The following MAD1L1 variants were observed in gnomAD, a reference collection of about 807,000 sequenced individuals.
MAD1L1 encodes mitotic arrest deficient 1 like 1.
MAD1L1 carries 95 observed loss-of-function variants against 96.9 expected under a neutral mutation model. The observed-to-expected ratio is 0.98, with a 90% confidence interval of 0.83 to 1.16. The LOEUF (loss-of-function observed/expected upper bound fraction) is 1.16, where lower values mean the gene tolerates loss of function less well. Among genes scored for constraint, MAD1L1 ranks in the 50% most tolerant of loss-of-function variants. The pLI is 0.00. For synonymous variants in MAD1L1, 473 were observed against 396.6 expected, an observed-to-expected ratio of 1.19 and a Z score of -2.29; for missense variants, 1,007 against 954.4, an observed-to-expected ratio of 1.06 and a Z score of -0.73.
At chr7:2,111,142 CAG>C (rs1388757295) in intron 11 of MAD1L1, among the ~76,000 whole-genome samples, 1 of 152,244 alleles carries the variant, frequency 6.6e-6, no homozygotes, top group Non-Finnish European at 1.5e-5. Flanking sequence ...AAAGAAGAAA[CAG>C]GGAGAGAGGA....
intron 12 of MAD1L1, among the ~76,000 whole-genome samples, chr7:2,063,789 T>C (rs1784763772): frequency 6.6e-6 from 1 of 152,008 alleles, no homozygotes; most frequent in South Asian, 2.1e-4. Flanking sequence ...CAGAACACAC[T>C]CCTTCATGAT....
At chr7:2,151,212 T>G (rs1218557188) in intron 10 of MAD1L1, among the ~76,000 whole-genome samples, 1 of 152,232 alleles carries the variant, frequency 6.6e-6, no homozygotes, top group African/African-American at 2.4e-5. Context: ...AAGGGGCTTG[T>G]AAATTTTCAC....
In MAD1L1 at chr7:2,181,015, G is replaced by A. The variant is rs145098775; in HGVS notation, c.987-31777C>T. Among the ~76,000 whole-genome samples, 26 of 152,278 alleles carry A rather than the reference G, an allele frequency of 1.7e-4. No homozygotes were observed. The East Asian group carries it at 4.6e-3, about 27-fold the overall frequency. ...ATTCCCCTTACCGGAGAATCCTGAC[G>A]GACCTATCTTCAGGTTTGCTGATTC... On this transcript the variant is annotated intron_variant, in intron 10 of 18. Transcript: ENST00000265854.
At chr7:2,071,281 G>A (rs1785113508) in intron 11 of MAD1L1, among the ~76,000 whole-genome samples, 1 of 152,212 alleles carries the variant, frequency 6.6e-6, no homozygotes, top group African/African-American at 2.4e-5. Flanking sequence ...ACGTCAGAAG[G>A]GACTTGGTGG....
chr7:1,978,362 A>G (rs950056568), intron 15 of MAD1L1, among the ~76,000 whole-genome samples: 3 of 152,140 alleles, frequency 2.0e-5, no homozygotes, highest in African/African-American at 7.2e-5. Context: ...TGTGTGTGGG[A>G]GGCATATTTT....
chr7:1,845,747 G>A (rs1228733173), intron 18 of MAD1L1: 4 of 152,346 alleles, frequency 2.6e-5, no homozygotes, highest in East Asian at 1.9e-4. Flanking sequence ...GTCGGGTTCC[G>A]GCTCACGGGG....
At chr7:1,916,166 C>A (rs1402924930) in intron 17 of MAD1L1, among the ~76,000 whole-genome samples, 1 of 152,102 alleles carries the variant, frequency 6.6e-6, no homozygotes, top group Non-Finnish European at 1.5e-5. Context: ...GGTGTGGGGC[C>A]CCTGGAGCCT....
At chr7:1,983,279 A>T (rs1006315790) in intron 14 of MAD1L1, among the ~76,000 whole-genome samples, 17 of 152,192 alleles carry the variant, frequency 1.1e-4, no homozygotes, top group Admixed American at 7.9e-4. Flanking sequence ...TGGTTTACAC[A>T]GTGCTCAAAG....
chr7:2,093,176 C>T lies in MAD1L1; in HGVS notation c.1074-23838G>A, dbSNP rs184894605. Among the ~76,000 whole-genome samples, 985 of 138,148 alleles carry T rather than the reference C, an allele frequency of 7.1e-3. 10 individuals carry two copies. Among genetic ancestry groups the T allele is most frequent in the Non-Finnish European group, 0.012 (784 of 66,610 alleles). The allele number at this position is 138,148 out of a possible 152,430, so 90.6% of individuals were successfully genotyped here. On this transcript the variant is annotated intron_variant, in intron 11 of 18. Transcript: ENST00000265854. Reference sequence around the variant, plus strand: ...GGAAGAATCGCTTAAACCCAGGAGGCAGAAGTTGCAGTGAGCCAAGATAGC... The same window carrying T: ...GGAAGAATCGCTTAAACCCAGGAGGTAGAAGTTGCAGTGAGCCAAGATAGC...
intron 14 of MAD1L1, among the ~76,000 whole-genome samples, chr7:2,001,190 G>A (rs888385470): frequency 6.6e-6 from 1 of 152,240 alleles, no homozygotes; most frequent in Non-Finnish European, 1.5e-5. Flanking sequence ...CCTCGACCTG[G>A]GCTGCAGGCC....
At chr7:1,947,711 C>T (rs1010471743) in intron 16 of MAD1L1, among the ~76,000 whole-genome samples, 5 of 152,192 alleles carry the variant, frequency 3.3e-5, no homozygotes, top group East Asian at 1.9e-4. Flanking sequence ...CTGCCGCACA[C>T]GGCTGGGTTG....
At chr7:1,965,287 A>G (rs1780116043) in intron 15 of MAD1L1, among the ~76,000 whole-genome samples, 1 of 152,184 alleles carries the variant, frequency 6.6e-6, no homozygotes, top group Non-Finnish European at 1.5e-5. Flanking sequence ...TCGCCCCTCC[A>G]GGCTTGTTTG....
chr7:2,156,345 G>A (rs902486710), intron 10 of MAD1L1, among the ~76,000 whole-genome samples: 4 of 152,292 alleles, frequency 2.6e-5, no homozygotes, highest in Admixed American at 1.3e-4. Flanking sequence ...GCGTCATGAC[G>A]TCGGGCTAAT....
intron 1 of MAD1L1, 128 bp from the exon 2 acceptor site, chr7:2,230,855 G>T (rs1643685988): frequency 6.6e-6 from 1 of 152,282 alleles, no homozygotes; most frequent in South Asian, 2.1e-4. Context: ...TCTGAGGATG[G>T]ATCTTCAGCA....
intron 12 of MAD1L1, among the ~76,000 whole-genome samples, chr7:2,041,491 C>G (rs539573181): frequency 6.6e-6 from 1 of 152,188 alleles, no homozygotes; most frequent in Admixed American, 6.5e-5. Flanking sequence ...TTTTTCACTT[C>G]CCTGACTCCA....
At chr7:2,115,631 G>A (rs1193754763) in intron 11 of MAD1L1, among the ~76,000 whole-genome samples, 1 of 152,238 alleles carries the variant, frequency 6.6e-6, no homozygotes, top group Non-Finnish European at 1.5e-5. Flanking sequence ...ACAGGAGGCT[G>A]GATAGAGGCT....
At chr7:1,986,269 GTGTGATGCACC>G (rs72429272) in intron 14 of MAD1L1, among the ~76,000 whole-genome samples, 11,482 of 152,174 alleles carry the variant, frequency 0.075, 544 homozygotes, top group Middle Eastern at 0.13. Flanking sequence ...CTTCAAGTAC[GTGTGATGCACC>G]TGTGTGACCC....
chr7:2,161,437 C>T (rs1790118771), intron 10 of MAD1L1, among the ~76,000 whole-genome samples: 2 of 152,046 alleles, frequency 1.3e-5, no homozygotes, highest in Non-Finnish European at 2.9e-5. Context: ...AGTGCAGTGG[C>T]GTGATCTCGG....
At chr7:2,078,242 G>A (rs1785473175) in intron 11 of MAD1L1, among the ~76,000 whole-genome samples, 1 of 152,204 alleles carries the variant, frequency 6.6e-6, no homozygotes, top group Admixed American at 6.5e-5. Flanking sequence ...ACAGGGTTGA[G>A]AGGGTCCCGC....
Sources: allele counts gnomAD v4.1 joint callset (sites outside exome capture counted in the v4.1 genomes callset), GRCh38; gene constraint gnomAD v4.1.1; transcripts MANE v1.5; gene names NCBI Gene and HGNC (gene_info 2026-07-23, HGNC 2026-07-21).